The following COL4A1 variants were observed in gnomAD, a reference collection of about 807,000 sequenced individuals.
The protein encoded by COL4A1 is collagen type IV alpha 1 chain, also known as collagen alpha-1(IV) chain.
COL4A1 carries 40 observed loss-of-function variants against 216.6 expected under a neutral mutation model. That is an observed-to-expected ratio of 0.18 (90% CI 0.14 to 0.24). COL4A1 has a LOEUF of 0.24. COL4A1 is among the 10% of genes least tolerant of loss of function. The pLI, the probability that COL4A1 is intolerant of heterozygous loss-of-function variation, is 1.00. For missense variants in COL4A1, 1,628 were observed against 2,196.8 expected (o/e 0.74, Z 5.18); for synonymous variants, 839 against 810.7 (o/e 1.03, Z -0.59).
At chr13:110,163,078 A>T (rs1244681601) in intron 47 of COL4A1, among the ~76,000 whole-genome samples, 2 of 152,196 alleles carry the variant, frequency 1.3e-5, no homozygotes, top group East Asian at 3.9e-4. Context: ...GCCTTCTCCT[A>T]AGGAAGCAGA....
intron 2 of COL4A1, among the ~76,000 whole-genome samples, chr13:110,233,295 G>A (rs1485415634): frequency 6.6e-6 from 1 of 152,092 alleles, no homozygotes; most frequent in Non-Finnish European, 1.5e-5. Context: ...TAGGAAATAG[G>A]GGACATCTGG....
intron 49 of COL4A1, among the ~76,000 whole-genome samples, chr13:110,160,108 T>C (rs1475458511): frequency 1.3e-5 from 2 of 152,360 alleles, no homozygotes; most frequent in East Asian, 1.9e-4. Flanking sequence ...GTAAATGTTA[T>C]GTTATGTCCA....
At chr13:110,219,878 GTATATATATGTGTGTATATATA>G (rs1880366007) in intron 2 of COL4A1, among the ~76,000 whole-genome samples, 4 of 87,060 alleles carry the variant, frequency 4.6e-5, no homozygotes, top group Admixed American at 3.9e-4. Flanking sequence ...GTGTATATAT[GTATATATATGTGTGTATATATA>G]TGTATATATA....
At chr13:110,191,427 A>G (rs1878620861) in intron 24 of COL4A1, 2 of 396,154 alleles carry the variant, frequency 5.0e-6, no homozygotes, top group Admixed American at 8.9e-5. Context: ...GAACAAAGAA[A>G]ATACGAGAGG....
At chr13:110,251,142 T>C (rs1306589651) in intron 1 of COL4A1, among the ~76,000 whole-genome samples, 1 of 152,194 alleles carries the variant, frequency 6.6e-6, no homozygotes, top group East Asian at 1.9e-4. Context: ...TCTTCCAGCT[T>C]TGGAGAACTG....
intron 26 of COL4A1, among the ~76,000 whole-genome samples, chr13:110,183,904 GA>G (rs1252392489): frequency 3.9e-5 from 6 of 152,204 alleles, no homozygotes; most frequent in Non-Finnish European, 4.4e-5. Context: ...TCGCTGTTAA[GA>G]AAGGACCAAA....
At chr13:110,295,265 T>C (rs1393396912) in intron 1 of COL4A1, among the ~76,000 whole-genome samples, 1 of 106,458 alleles carries the variant, frequency 9.4e-6, no homozygotes, top group African/African-American at 3.5e-5. Flanking sequence ...TTTCTTTTTT[T>C]TTTTTTTTTT....
intron 25 of COL4A1, 55 bp from the exon 26 acceptor site, chr13:110,186,608 C>T (rs186339594): frequency 6.3e-7 from 1 of 1,599,990 alleles, no homozygotes; most frequent in Admixed American, 1.7e-5. Context: ...AACACCCTGT[C>T]CTTATCGCAT....
intron 41 of COL4A1, 39 bp from the exon 42 acceptor site, chr13:110,170,771 G>A (rs1056635693): frequency 7.5e-6 from 12 of 1,606,630 alleles, no homozygotes; most frequent in African/African-American, 4.0e-5. Context: ...GGGAAACGCA[G>A]CAGCAGAACA....
At chr13:110,212,501 TG>T (rs746591770) in intron 5 of COL4A1, 22 bp from the exon 6 acceptor site, 1 of 1,614,178 alleles carries the variant, frequency 6.2e-7, no homozygotes, top group Admixed American at 1.7e-5. Flanking sequence ...AAAGTGAAAA[TG>T]TAACCCAGGC....
chr13:110,167,098 A>C (rs1478910633), intron 44 of COL4A1, 60 bp downstream of exon 44: 4 of 1,413,706 alleles, frequency 2.8e-6, no homozygotes, highest in Non-Finnish European at 4.0e-6. Flanking sequence ...GAGGTTAGCA[A>C]GCTCTTCACA....
chr13:110,230,327 T>C (rs991067448), intron 2 of COL4A1, among the ~76,000 whole-genome samples: 2 of 151,918 alleles, frequency 1.3e-5, no homozygotes, highest in African/African-American at 2.4e-5. Flanking sequence ...GATATGTGCA[T>C]GCACGTGATG....
At chr13:110,214,274 G>C (rs1014013270) in intron 2 of COL4A1, among the ~76,000 whole-genome samples, 27 of 152,178 alleles carry the variant, frequency 1.8e-4, no homozygotes, top group African/African-American at 6.0e-4. Flanking sequence ...ATTTTTAGTA[G>C]AGGCAGGGTT....
chr13:110,194,655 AG>A (rs1878797541), intron 22 of COL4A1, among the ~76,000 whole-genome samples: 1 of 152,224 alleles, frequency 6.6e-6, no homozygotes, highest in Non-Finnish European at 1.5e-5. Flanking sequence ...GGCTTGAAGG[AG>A]GGAAGAGCAT....
chr13:110,188,682 T>C (rs1258346974), intron 24 of COL4A1, among the ~76,000 whole-genome samples: 1 of 152,194 alleles, frequency 6.6e-6, no homozygotes, highest in Non-Finnish European at 1.5e-5. Context: ...GCGAGTAAAA[T>C]CTGCCCATTA....
At position 110,171,695 on chromosome 13, in the gene COL4A1, A is replaced by G. The variant is rs533086500; in HGVS notation, c.3557-963T>C. Among the ~76,000 whole-genome samples the G allele has an allele frequency of 3.9e-5, 6 of 152,326 alleles. No individual in the cohort carries two copies. In the East Asian group the frequency reaches 1.2e-3, roughly 29 times the overall value. The stretch of plus-strand genomic sequence containing the variant: ...ATTCTCCCTGCTATTTCACACAGCA[A>G]TGAGTGGAAAACGCAAGGTGCTGCG... On this transcript the variant is annotated intron_variant, in intron 41 of 51. Coordinates refer to ENST00000375820, the MANE Select transcript of COL4A1 (RefSeq NM_001845.6).
chr13:110,188,277 G>T (rs1977892), intron 24 of COL4A1, among the ~76,000 whole-genome samples: 57,851 of 152,090 alleles, frequency 0.38, 11,145 homozygotes, highest in East Asian at 0.45. Context: ...AAACTTCCTT[G>T]CAGAAGGTTC....
intron 47 of COL4A1, 21 bp from the exon 48 acceptor site, chr13:110,162,463 T>C (rs1877131371): frequency 7.0e-6 from 11 of 1,567,216 alleles, no homozygotes; most frequent in Non-Finnish European, 9.7e-6. Flanking sequence ...GGAGACAAAT[T>C]AGTTTCCCTA....
chr13:110,282,057 A>G (rs923411816), intron 1 of COL4A1, among the ~76,000 whole-genome samples: 2 of 152,198 alleles, frequency 1.3e-5, no homozygotes, highest in Non-Finnish European at 1.5e-5. Flanking sequence ...GATTCTCCCC[A>G]GCAAAGACCC....
Sources: allele counts gnomAD v4.1 joint callset (sites outside exome capture counted in the v4.1 genomes callset), GRCh38; gene constraint gnomAD v4.1.1; transcripts MANE v1.5; gene names NCBI Gene and HGNC (gene_info 2026-07-23, HGNC 2026-07-21).